ZNF454: variants seen among roughly 807,000 people sequenced by gnomAD.
ZNF454 encodes the protein zinc finger protein 454.
A neutral mutation model predicts 48.2 loss-of-function variants in ZNF454; 30 were observed. The observed-to-expected ratio is 0.62, with a 90% CI of 0.47 to 0.84. ZNF454 has a LOEUF of 0.84. Ranked by LOEUF, ZNF454 falls within the 40% of genes least tolerant of loss-of-function variation. The pLI is 0.00. For synonymous variants in ZNF454, 204 were observed against 211.4 expected (o/e 0.97, Z 0.30); for missense variants, 510 against 623.1 (o/e 0.82, Z 1.93).
At chr5:178,973,263 T>G in the ZNF454 span, among the ~76,000 whole-genome samples, 3 of 152,060 alleles carry the variant, frequency 2.0e-5, no homozygotes, top group South Asian at 2.1e-4. Flanking sequence ...TGGCAGGACT[T>G]GAAATGGAAG....
chr5:178,981,403 C>A, the ZNF454 span: 9 of 528,228 alleles, frequency 1.7e-5, no homozygotes, highest in Non-Finnish European at 2.4e-5. This position sits in a 1 kb window ranked among gnomAD's most constrained non-coding sequence, Gnocchi z 5.1. Context: ...AGAGCTAGAA[C>A]CTTCTCGGTG....
the ZNF454 span, chr5:178,989,659 A>C: frequency 1.7e-6 from 1 of 580,898 alleles, no homozygotes; most frequent in African/African-American, 1.9e-5. Context: ...AGCCAACTGG[A>C]GGTTCCAGGG....
intron 4 of ZNF454, among the ~76,000 whole-genome samples, chr5:178,959,756 C>A (rs1211632924): frequency 2.0e-5 from 3 of 151,418 alleles, no homozygotes; most frequent in Non-Finnish European, 4.4e-5. Flanking sequence ...CAGGCGCCCA[C>A]CACCACGCCT....
At chr5:178,985,615 A>G in the ZNF454 span, 22 of 357,602 alleles carry the variant, frequency 6.2e-5, no homozygotes, top group South Asian at 1.5e-4. Flanking sequence ...AGGCAGGAGA[A>G]TGGCGTGAAC....
At chr5:178,955,303 C>T (rs911601838) in intron 4 of ZNF454, among the ~76,000 whole-genome samples, 2 of 152,152 alleles carry the variant, frequency 1.3e-5, no homozygotes, top group African/African-American at 2.4e-5. Context: ...AAGCATTCAG[C>T]CTTTCACCAT....
chr5:178,967,686 A>C (rs1042281049), downstream of ZNF454, among the ~76,000 whole-genome samples: 1 of 150,108 alleles, frequency 6.7e-6, no homozygotes, highest in African/African-American at 2.4e-5. Context: ...TGAGTGGTAC[A>C]GTCGTCCTGC....
rs1318818342 is a variant in ZNF454 at position 178,965,540 on chromosome 5, C to T, written c.1136C>T (p.Thr379Ile). 26 of 1,613,992 alleles carry T rather than the reference C, an allele frequency of 1.6e-5. No individual in the cohort carries two copies. The highest frequency in any genetic ancestry group is 2.0e-5 in the Non-Finnish European group (24 of 1,180,002). ...SSLTEHQRIH[T>I]GEKPYKCNEC... ...CTTACTGAACATCAGAGAATTCATA[C>T]TGGAGAGAAACCTTATAAATGTAAT... Residue 379 changes from threonine (T) to isoleucine (I), a missense_variant, in exon 5 of 5, where the codon ACT becomes ATT. By Grantham distance (89) the Thr-to-Ile change is moderately conservative. This residue lies in a region of ZNF454 where 153 missense variants were observed against 195.8 expected (regional missense o/e 0.78). Transcript: ENST00000519564. The surrounding 1 kb of genome is among the most constrained non-coding windows in gnomAD (Gnocchi z 5.2).
downstream of ZNF454, chr5:178,969,659 A>C (rs771809764): frequency 8.8e-6 from 4 of 456,700 alleles, no homozygotes; most frequent in South Asian, 6.2e-5. Context: ...ACATGAGGCC[A>C]GTCTCCCCGC....
At chr5:178,987,651 G>A in the ZNF454 span, among the ~76,000 whole-genome samples, 1 of 152,204 alleles carries the variant, frequency 6.6e-6, no homozygotes. Flanking sequence ...GCAGGTGCTG[G>A]CGGGAGGAGG....
chr5:178,982,470 G>A, the ZNF454 span, among the ~76,000 whole-genome samples: 1 of 151,102 alleles, frequency 6.6e-6, no homozygotes, highest in Non-Finnish European at 1.5e-5. Flanking sequence ...CCCAGCTACG[G>A]GGGAGGCTGA....
chr5:178,986,576 C>T, the ZNF454 span: 1 of 1,607,332 alleles, frequency 6.2e-7, no homozygotes, highest in Middle Eastern at 1.6e-4. Context: ...CTCATGTCCC[C>T]AGGACAGGCC....
intron 4 of ZNF454, among the ~76,000 whole-genome samples, chr5:178,955,809 G>A (rs1251676950): frequency 6.6e-6 from 1 of 152,210 alleles, no homozygotes; most frequent in Non-Finnish European, 1.5e-5. Context: ...CAGAAGACTT[G>A]TGGGACAGTT....
At chr5:178,968,821 G>A (rs1760201290), downstream of ZNF454, 1 of 456,756 alleles carries the variant, frequency 2.2e-6, no homozygotes, top group Non-Finnish European at 4.4e-6. Flanking sequence ...TACTTGGTAT[G>A]TGCCTACCGT....
the ZNF454 span, chr5:178,978,569 AG>A: frequency 6.6e-6 from 1 of 152,266 alleles, no homozygotes; most frequent in African/African-American, 2.4e-5. Flanking sequence ...ACCACAGGTG[AG>A]ACCTTATAAA....
In ZNF454 at chr5:178,944,275, C is replaced by A. The variant is rs1194500237; in HGVS notation, c.33+1451C>A. The stretch of plus-strand genomic sequence containing the variant: ...TGGCTTCTGACTTGTCACTTAGGAC[C>A]CTTCTCATGCACCACTTTTTCTGCA... On this transcript the variant is annotated intron_variant, in intron 2 of 4. Transcript: ENST00000519564. The surrounding 1 kb of genome is among the most constrained non-coding windows in gnomAD (Gnocchi z 4.1). Among the ~76,000 whole-genome samples the A allele has an allele frequency of 6.6e-6, 1 of 152,144 alleles. No individual in the cohort carries two copies. The highest frequency in any genetic ancestry group is 1.9e-4 in the East Asian group (1 of 5,184).
At chr5:178,969,630 C>T (rs915437305), downstream of ZNF454, 4 of 456,662 alleles carry the variant, frequency 8.8e-6, no homozygotes, top group Non-Finnish European at 1.8e-5. Flanking sequence ...TGCTCTGGTA[C>T]ACCACGACCA....
At chr5:178,983,352 T>A in the ZNF454 span, 3 of 820,220 alleles carry the variant, frequency 3.7e-6, no homozygotes, top group Non-Finnish European at 6.1e-6. Context: ...CACCTCTTCG[T>A]GGTGGCTCTC....
chr5:178,962,546 T>G (rs1760037042), intron 4 of ZNF454, among the ~76,000 whole-genome samples: 1 of 151,884 alleles, frequency 6.6e-6, no homozygotes, highest in Non-Finnish European at 1.5e-5. Context: ...TTTTGGTTAT[T>G]GTATTTCTCA....
At chr5:178,986,547 C>T in the ZNF454 span, 25 of 1,607,810 alleles carry the variant, frequency 1.6e-5, no homozygotes, top group South Asian at 5.5e-5. Flanking sequence ...GGCGGCAGCC[C>T]GTGTGGTTGG....
Sources: allele counts gnomAD v4.1 joint callset (sites outside exome capture counted in the v4.1 genomes callset), GRCh38; gene constraint gnomAD v4.1.1; regional missense constraint gnomAD v4.1.1; non-coding constraint Gnocchi (gnomAD v3.1); transcripts MANE v1.5; gene names NCBI Gene and HGNC (gene_info 2026-07-23, HGNC 2026-07-21).